NXPH1: variants seen among roughly 807,000 people sequenced by gnomAD.
NXPH1 encodes the protein neurexophilin 1, also known as neurexophilin-1.
NXPH1 carries 5 observed loss-of-function variants against 23.7 expected under a neutral mutation model. The observed-to-expected ratio is 0.21, with a 90% CI of 0.11 to 0.44. The LOEUF (loss-of-function observed/expected upper bound fraction) is 0.44. NXPH1 is among the 20% of genes least tolerant of loss of function. The pLI, the probability that NXPH1 is intolerant of heterozygous loss-of-function variation, is 0.99. For missense variants in NXPH1, 324 were observed against 321.6 expected (o/e 1.01, Z -0.06); for synonymous variants, 144 against 122.2 (o/e 1.18, Z -1.18).
chr7:8,630,803 T>C (rs1382066044), intron 2 of NXPH1, among the ~76,000 whole-genome samples: 2 of 152,120 alleles, frequency 1.3e-5, no homozygotes, highest in African/African-American at 4.8e-5. Context: ...AGTTCAGGGG[T>C]ATAAGTTCAG....
chr7:8,722,565 T>C (rs1488713414), intron 2 of NXPH1, among the ~76,000 whole-genome samples: 1 of 152,094 alleles, frequency 6.6e-6, no homozygotes, highest in Non-Finnish European at 1.5e-5. Context: ...TTTTTAGGGG[T>C]TTGCAAATGG....
At chr7:8,462,665 G>C (rs1816715346) in intron 2 of NXPH1, among the ~76,000 whole-genome samples, 1 of 152,138 alleles carries the variant, frequency 6.6e-6, no homozygotes, top group Non-Finnish European at 1.5e-5. Flanking sequence ...GTTTGTATCA[G>C]AGAAAATGCT....
chr7:8,666,108 C>T (rs1176325615), intron 2 of NXPH1, among the ~76,000 whole-genome samples: 3 of 151,694 alleles, frequency 2.0e-5, no homozygotes, highest in Non-Finnish European at 4.4e-5. Context: ...GAAGAGTGGG[C>T]CTCCTTGCCT....
At position 8,710,640 on chromosome 7, in the gene NXPH1, G is replaced by GGTTTTT. The variant is rs1376868557; in HGVS notation, c.55-40368_55-40367insGTTTTT. The stretch of plus-strand genomic sequence containing the variant: ...TTGAACAAAGCATGTCAACTGTTAC[G>GGTTTTT]TTTTTTGTTTTTTTTTTTTTTTTTT... On this transcript the variant is annotated intron_variant, in intron 2 of 2. Coordinates refer to ENST00000405863, the MANE Select transcript of NXPH1 (RefSeq NM_152745.3). Among the ~76,000 whole-genome samples the GGTTTTT allele has an allele frequency of 2.1e-3, 57 of 27,680 alleles. 19 individuals carry two copies. The highest frequency in any genetic ancestry group is 7.5e-3 in the African/African-American group (47 of 6,242). 18.2% of individuals were successfully genotyped at this position (27,680 alleles called of 152,430 possible).
Position 8,744,143 on chromosome 7 carries a change from C to G in NXPH1, c.55-6865C>G, listed in dbSNP as rs139711578. On this transcript the variant is annotated intron_variant, in intron 2 of 2. Transcript: ENST00000405863. ...GAAGAAAATGACCCTTGTCTATGCCCCTATTTGTATATAGTCTCAAAAGAA... is the reference window on the plus strand; with the variant it reads ...GAAGAAAATGACCCTTGTCTATGCCGCTATTTGTATATAGTCTCAAAAGAA... Among the ~76,000 whole-genome samples the G allele has an allele frequency of 5.8e-3, 875 of 152,154 alleles. 3 individuals carry two copies. The highest frequency in any genetic ancestry group is 9.5e-3 in the Non-Finnish European group (647 of 68,006).
chr7:8,499,178 A>G (rs1330235783), intron 2 of NXPH1, among the ~76,000 whole-genome samples: 1 of 152,060 alleles, frequency 6.6e-6, no homozygotes, highest in Non-Finnish European at 1.5e-5. Context: ...CCAAGCAGGA[A>G]AGGATGATCC....
At chr7:8,734,544 T>A (rs1780214393) in intron 2 of NXPH1, among the ~76,000 whole-genome samples, 1 of 152,194 alleles carries the variant, frequency 6.6e-6, no homozygotes, top group Admixed American at 6.5e-5. Flanking sequence ...TCCTCTCTTA[T>A]TTCCTTGAGC....
rs1250437548 is a variant in NXPH1 at position 8,435,690 on chromosome 7, C to T, written c.-24C>T. 1 of 1,612,902 alleles carries T rather than the reference C, an allele frequency of 6.2e-7. No homozygotes were observed. Among genetic ancestry groups the T allele is most frequent in the East Asian group, 2.2e-5 (1 of 44,870 alleles). On this transcript the variant is annotated 5_prime_UTR_variant, in exon 2 of 3. Transcript: ENST00000405863. This position sits in a 1 kb window ranked among gnomAD's most constrained non-coding sequence, Gnocchi z 5.9. ...AACAAAGACTCAAAGAAGGCACCGC[C>T]AAGGAAGTTTGAGACGCGGGAGAAT...
intron 2 of NXPH1, among the ~76,000 whole-genome samples, chr7:8,607,352 C>T (rs1819517797): frequency 6.6e-6 from 1 of 152,160 alleles, no homozygotes; most frequent in Non-Finnish European, 1.5e-5. Context: ...CATTTGGCTT[C>T]ATACTTTTCT....
intron 2 of NXPH1, among the ~76,000 whole-genome samples, chr7:8,602,410 A>G (rs1468251183): frequency 1.3e-5 from 2 of 151,826 alleles, no homozygotes; most frequent in Non-Finnish European, 2.9e-5. Flanking sequence ...TTTCCCCTTA[A>G]ATTTTCTGAT....
rs966363773 is a variant in NXPH1, at chr7:8,435,638, T to A, written c.-76T>A. The A allele has an allele frequency of 7.5e-7, 1 of 1,334,326 alleles. No individual in the cohort carries two copies. The highest frequency in any genetic ancestry group is 2.3e-5 in the East Asian group (1 of 43,620). The allele number at this position is 1,334,326 out of a possible 1,614,324, so 82.7% of individuals were successfully genotyped here. A position where few individuals can be genotyped will look rare whatever the true frequency, so the allele number is the denominator to read the frequency against. ...AGCGCTCCTTGCTCTGTAAAGTGGA[T>A]GTCAGGTGGATCTATGTTTCTGAAG... On this transcript the variant is annotated 5_prime_UTR_variant, in exon 2 of 3. An upstream start codon of the reference 5' UTR is lost. Coordinates refer to ENST00000405863, the MANE Select transcript of NXPH1 (RefSeq NM_152745.3). The surrounding 1 kb of genome is among the most constrained non-coding windows in gnomAD (Gnocchi z 5.9).
intron 2 of NXPH1, among the ~76,000 whole-genome samples, chr7:8,524,929 A>T (rs186091912): frequency 2.2e-4 from 33 of 152,338 alleles, no homozygotes; most frequent in Non-Finnish European, 4.1e-4. Context: ...ATAGACTAAT[A>T]CAGTAAATTG....
intron 2 of NXPH1, among the ~76,000 whole-genome samples, chr7:8,697,490 C>T (rs1779553489): frequency 6.6e-6 from 1 of 152,126 alleles, no homozygotes; most frequent in Non-Finnish European, 1.5e-5. Flanking sequence ...AGACAGAAGA[C>T]TCACTCATTG....
Position 8,457,310 on chromosome 7 carries a change from G to A in NXPH1, c.54+21543G>A, listed in dbSNP as rs552476206. ...CCTAAATGTCTCAGACAATCAGAGA[G>A]CCTCTTCCTAAATGGGGGAAGAAAA... On this transcript the variant is annotated intron_variant, in intron 2 of 2. Coordinates refer to ENST00000405863, the MANE Select transcript of NXPH1 (RefSeq NM_152745.3). Among the ~76,000 whole-genome samples the A allele has an allele frequency of 2.0e-5, 3 of 152,254 alleles. No individual in the cohort carries two copies. The South Asian group carries it at 6.2e-4, about 32-fold the overall frequency.
intron 2 of NXPH1, among the ~76,000 whole-genome samples, chr7:8,489,422 A>G (rs113817611): frequency 0.059 from 9,008 of 152,090 alleles, 907 homozygotes; most frequent in African/African-American, 0.21. Context: ...AAAATTTACT[A>G]AGTGTGTATG....
intron 2 of NXPH1, among the ~76,000 whole-genome samples, chr7:8,601,265 G>A (rs1031608769): frequency 2.0e-5 from 3 of 151,876 alleles, no homozygotes; most frequent in East Asian, 3.9e-4. Context: ...ATTAAAGGAA[G>A]TAACCAAACT....
chr7:8,665,541 C>T (rs2115165154), intron 2 of NXPH1, among the ~76,000 whole-genome samples: 1 of 151,804 alleles, frequency 6.6e-6, no homozygotes, highest in South Asian at 2.1e-4. Flanking sequence ...AGTTTTTTTT[C>T]TATTTCTGGG....
chr7:8,743,385 G>A (rs12534041), intron 2 of NXPH1, among the ~76,000 whole-genome samples: 1 of 113,554 alleles, frequency 8.8e-6, no homozygotes, highest in Non-Finnish European at 2.1e-5. Context: ...GTTGAAGATT[G>A]TATATATAAA....
chr7:8,503,371 G>A (rs979758483), intron 2 of NXPH1, among the ~76,000 whole-genome samples: 1 of 151,896 alleles, frequency 6.6e-6, no homozygotes, highest in African/African-American at 2.4e-5. Flanking sequence ...CCTCCCCTGT[G>A]CGGCCTCTTT....
Sources: allele counts gnomAD v4.1 joint callset (sites outside exome capture counted in the v4.1 genomes callset), GRCh38; gene constraint gnomAD v4.1.1; non-coding constraint Gnocchi (gnomAD v3.1); transcripts MANE v1.5; gene names NCBI Gene and HGNC (gene_info 2026-07-23, HGNC 2026-07-21).